Variants in TRERF1 observed in about 807,000 individuals in gnomAD.
TRERF1 encodes transcriptional-regulating factor 1.
A neutral mutation model predicts 122.9 loss-of-function variants in TRERF1; 27 were observed. The ratio of observed to expected loss-of-function variants is 0.22; its 90% CI spans 0.16 to 0.30. TRERF1 has a LOEUF of 0.30. Among genes scored for constraint, TRERF1 ranks in the 10% least tolerant of loss-of-function variants. The pLI is 1.00. For missense variants in TRERF1, 1,248 were observed against 1,560.3 expected, an observed-to-expected ratio of 0.80 and a Z score of 3.37; for synonymous variants, 636 against 641.7, an observed-to-expected ratio of 0.99 and a Z score of 0.13.
At chr6:42,410,049 G>T (rs940659435) in intron 2 of TRERF1, among the ~76,000 whole-genome samples, 1 of 152,090 alleles carries the variant, frequency 6.6e-6, no homozygotes, top group Non-Finnish European at 1.5e-5. Context: ...CTGAATAATA[G>T]GTATTCCGAT....
chr6:42,389,682 T>C (rs1023207875), intron 2 of TRERF1, among the ~76,000 whole-genome samples: 11 of 152,186 alleles, frequency 7.2e-5, no homozygotes, highest in African/African-American at 2.7e-4. Flanking sequence ...AAACACTTGA[T>C]AGGAAGGTAA....
At chr6:42,258,285 G>T in intron 9 of TRERF1, 84 bp from the exon 10 acceptor site, 1 of 1,235,196 alleles carries the variant, frequency 8.1e-7, no homozygotes, top group Non-Finnish European at 1.2e-6. Context: ...TACCTAACCA[G>T]CCATAATAGA....
chr6:42,243,123 C>T (rs1561809656), intron 15 of TRERF1, 125 bp downstream of exon 15: 2 of 758,230 alleles, frequency 2.6e-6, no homozygotes, highest in East Asian at 2.5e-5. Flanking sequence ...GAGAGCTGGG[C>T]TGTTGTCACC....
intron 3 of TRERF1, among the ~76,000 whole-genome samples, chr6:42,319,827 AAAAT>A (rs1375538000): frequency 6.6e-6 from 1 of 151,526 alleles, no homozygotes; most frequent in East Asian, 1.9e-4. Context: ...AAAAAAAAAA[AAAAT>A]GGTGCATTCA....
rs115615929 is a variant in TRERF1 at position 42,249,027 on chromosome 6, C to T, written c.2657-2483G>A. ...TTTAGGTATCCACCAAAACAGCAAA[C>T]GGGTAAGAGGAGTCAGAAAGATAAT... On this transcript the variant is annotated intron_variant, in intron 13 of 17. Coordinates refer to ENST00000372922, the Ensembl canonical transcript of TRERF1. Among the ~76,000 whole-genome samples, 742 of 152,262 alleles carry T rather than the reference C, an allele frequency of 4.9e-3. 3 individuals are homozygous for T. The highest frequency in any genetic ancestry group is 0.016 in the African/African-American group (648 of 41,534).
intron 4 of TRERF1, among the ~76,000 whole-genome samples, chr6:42,270,066 G>C (rs1170411278): frequency 6.6e-6 from 1 of 152,154 alleles, no homozygotes; most frequent in East Asian, 1.9e-4. Flanking sequence ...TGCGCCTGTA[G>C]TCCCAGCTGC....
intron 4 of TRERF1, among the ~76,000 whole-genome samples, chr6:42,288,049 A>G (rs116062400): frequency 1.3e-4 from 19 of 151,992 alleles, no homozygotes; most frequent in African/African-American, 4.6e-4. Context: ...TTCTCAGCCT[A>G]CAAGTTCCTG....
intron 2 of TRERF1, among the ~76,000 whole-genome samples, chr6:42,390,375 A>G (rs2151237280): frequency 6.6e-6 from 1 of 152,266 alleles, no homozygotes; most frequent in East Asian, 1.9e-4. Flanking sequence ...CAGGCCTCAT[A>G]AGAGGCACAA....
chr6:42,293,237 T>C lies in TRERF1; in HGVS notation c.-259+7401A>G, dbSNP rs142249309. 1.5e-3 allele frequency among the ~76,000 whole-genome samples: 221 copies of C among 152,312 alleles called. 5 individuals are homozygous for C. In the East Asian group the frequency reaches 0.038, roughly 26 times the overall value. On this transcript the variant is annotated intron_variant, in intron 4 of 17. Coordinates refer to ENST00000372922, the Ensembl canonical transcript of TRERF1. ...TTTGTGGGGGACACTCTCATACCCA[T>C]TATTTCTCTGTGAGGCAGGCCCAGC...
intron 4 of TRERF1, among the ~76,000 whole-genome samples, chr6:42,293,633 C>T (rs1784636662): frequency 6.6e-6 from 1 of 152,146 alleles, no homozygotes; most frequent in African/African-American, 2.4e-5. Flanking sequence ...CTCTCCCTCT[C>T]CTCTTAGTTC....
intron 13 of TRERF1, among the ~76,000 whole-genome samples, chr6:42,247,647 T>C (rs1038917535): frequency 1.3e-5 from 2 of 152,224 alleles, no homozygotes; most frequent in African/African-American, 4.8e-5. Context: ...CTGATATTTA[T>C]GTCTTTTTCC....
intron 2 of TRERF1, among the ~76,000 whole-genome samples, chr6:42,403,486 G>A (rs536672318): frequency 1.1e-4 from 16 of 152,232 alleles, no homozygotes; most frequent in Admixed American, 3.3e-4. Context: ...ACCCAGGATC[G>A]CCAGCAGCCA....
intron 2 of TRERF1, among the ~76,000 whole-genome samples, chr6:42,417,226 C>T (rs1781960673): frequency 6.6e-6 from 1 of 152,152 alleles, no homozygotes; most frequent in Non-Finnish European, 1.5e-5. Context: ...ACTCGCCTTA[C>T]CTTCTCTTAT....
At chr6:42,329,089 T>C (rs1484070503) in intron 3 of TRERF1, among the ~76,000 whole-genome samples, 1 of 152,012 alleles carries the variant, frequency 6.6e-6, no homozygotes, top group African/African-American at 2.4e-5. Flanking sequence ...CAAGACAAGT[T>C]GGACTACCTG....
chr6:42,451,674 T>C (rs1788562215), intron 1 of TRERF1, among the ~76,000 whole-genome samples: 1 of 135,620 alleles, frequency 7.4e-6, no homozygotes, highest in Non-Finnish European at 1.6e-5. Context: ...AGAAACTTAC[T>C]AGTGAGCAAG....
At chr6:42,426,851 T>C (rs1220411336) in intron 2 of TRERF1, among the ~76,000 whole-genome samples, 1 of 152,228 alleles carries the variant, frequency 6.6e-6, no homozygotes, top group African/African-American at 2.4e-5. Flanking sequence ...TTTGATCTAA[T>C]GCTTAGCCTA....
chr6:42,308,099 A>T (rs1052419086), intron 3 of TRERF1, among the ~76,000 whole-genome samples: 9 of 152,222 alleles, frequency 5.9e-5, no homozygotes, highest in African/African-American at 2.4e-5. Flanking sequence ...CATGTGACCC[A>T]GGAATTCTGC....
chr6:42,436,815 ATATAT>A (rs1311644107), intron 2 of TRERF1, among the ~76,000 whole-genome samples: 187 of 63,160 alleles, frequency 3.0e-3, no homozygotes, highest in African/African-American at 8.0e-3. Context: ...AAAAAAAAAA[ATATAT>A]ATATATATAT....
chr6:42,300,063 CCAAATCTT>C (rs1012311522), intron 4 of TRERF1, among the ~76,000 whole-genome samples: 4 of 152,192 alleles, frequency 2.6e-5, no homozygotes, highest in Admixed American at 2.6e-4. Context: ...GTCATGACAG[CCAAATCTT>C]CAAATCTTCA....
Sources: allele counts gnomAD v4.1 joint callset (sites outside exome capture counted in the v4.1 genomes callset), GRCh38; gene constraint gnomAD v4.1.1; transcripts MANE v1.5; gene names NCBI Gene and HGNC (gene_info 2026-07-23, HGNC 2026-07-21).